The following SLC9C1 variants were observed in gnomAD, a reference collection of about 807,000 sequenced individuals.
SLC9C1 encodes solute carrier family 9 member C1.
Under a neutral mutation model 140.9 loss-of-function variants are expected in SLC9C1, and 97 were observed. That is an observed-to-expected ratio of 0.69 (90% CI 0.58 to 0.82). The LOEUF (loss-of-function observed/expected upper bound fraction) is 0.82. Among genes scored for constraint, SLC9C1 ranks in the 40% least tolerant of loss-of-function variants. The probability of loss-of-function intolerance (pLI) is 0.00; values close to 1 mark genes in which losing one functional copy is unlikely to be tolerated. For synonymous variants in SLC9C1, 440 were observed against 442.6 expected (o/e 0.99, Z 0.07); for missense variants, 1,340 against 1,389.3 (o/e 0.96, Z 0.56).
At chr3:112,261,991 T>G (rs922679551) in intron 10 of SLC9C1, among the ~76,000 whole-genome samples, 1 of 152,054 alleles carries the variant, frequency 6.6e-6, no homozygotes, top group African/African-American at 2.4e-5. Flanking sequence ...CCTCAACACT[T>G]AAGTTACTTG....
Position 112,151,906 on chromosome 3 carries a change from T to C in SLC9C1, c.3475A>G (p.Thr1159Ala). ...GGGGACTCCTTACAGTTGAACTTTG[T>C]CCCCAGCAGGGAGCAAGGCTGGGGA... is the stretch of plus-strand genomic sequence containing the variant. ...RSPQPCSLLG[T>A]KFNCKESPRI... Residue 1159 changes from threonine to alanine, a missense_variant, in exon 28 of 29, where the codon ACA becomes GCA. By Grantham distance (58) the Thr-to-Ala change is moderately conservative (BLOSUM62 0). Transcript: ENST00000305815. The C allele has an allele frequency of 6.2e-7, 1 of 1,609,764 alleles. No individual in the cohort carries two copies. Among genetic ancestry groups the C allele is most frequent in the Non-Finnish European group, 8.5e-7 (1 of 1,178,772 alleles).
intron 2 of SLC9C1, among the ~76,000 whole-genome samples, chr3:112,286,353 A>T (rs928392066): frequency 4.6e-5 from 7 of 152,192 alleles, no homozygotes; most frequent in African/African-American, 1.7e-4. Context: ...AATAGCAGGC[A>T]TAATTTATAA....
intron 10 of SLC9C1, among the ~76,000 whole-genome samples, chr3:112,259,324 T>A (rs2079703239): frequency 1.3e-5 from 2 of 149,724 alleles, no homozygotes; most frequent in Non-Finnish European, 1.5e-5. Flanking sequence ...AGGGAGAGGA[T>A]TGGAAAAAAA....
At chr3:112,222,831 G>A (rs1036741232) in intron 13 of SLC9C1, among the ~76,000 whole-genome samples, 13 of 152,056 alleles carry the variant, frequency 8.5e-5, no homozygotes, top group African/African-American at 3.1e-4. Flanking sequence ...AAAGGGAGCT[G>A]TATTTAATTT....
At chr3:112,215,717 A>T (rs1179325703) in intron 15 of SLC9C1, among the ~76,000 whole-genome samples, 2 of 152,214 alleles carry the variant, frequency 1.3e-5, no homozygotes, top group Non-Finnish European at 2.9e-5. Flanking sequence ...GATACAAACA[A>T]ATGGAAGAAC....
chr3:112,257,778 A>G (rs1487465495), intron 10 of SLC9C1, among the ~76,000 whole-genome samples: 1 of 152,212 alleles, frequency 6.6e-6, no homozygotes, highest in African/African-American at 2.4e-5. Flanking sequence ...ACAGAATGGG[A>G]GAAAATATTT....
chr3:112,285,666 A>G (rs1394394446), intron 2 of SLC9C1, among the ~76,000 whole-genome samples: 1 of 152,222 alleles, frequency 6.6e-6, no homozygotes, highest in Non-Finnish European at 1.5e-5. Flanking sequence ...GTGGAAAACA[A>G]GCAAGGGAGT....
chr3:112,158,854 C>T (rs774961928), intron 26 of SLC9C1, among the ~76,000 whole-genome samples: 55 of 151,698 alleles, frequency 3.6e-4, no homozygotes, highest in African/African-American at 8.5e-4. Context: ...TCTGTGGTAT[C>T]GGTTGCAATC....
chr3:112,174,225 A>G (rs2077295631), intron 23 of SLC9C1, among the ~76,000 whole-genome samples: 1 of 152,176 alleles, frequency 6.6e-6, no homozygotes, highest in South Asian at 2.1e-4. Context: ...ATTGTCTTCC[A>G]TTCTGTAAGT....
At chr3:112,253,094 C>T (rs532792213) in intron 10 of SLC9C1, among the ~76,000 whole-genome samples, 1 of 152,274 alleles carries the variant, frequency 6.6e-6, no homozygotes, top group African/African-American at 2.4e-5. Flanking sequence ...TATGTGGGCC[C>T]TTAAACCTAT....
chr3:112,279,749 T>C (rs1294475557), intron 3 of SLC9C1, among the ~76,000 whole-genome samples: 2 of 152,222 alleles, frequency 1.3e-5, no homozygotes, highest in African/African-American at 4.8e-5. Flanking sequence ...CACCTGGCCT[T>C]CTTTGCTTCT....
At chr3:112,233,852 T>C (rs963263821) in intron 12 of SLC9C1, among the ~76,000 whole-genome samples, 6 of 152,172 alleles carry the variant, frequency 3.9e-5, no homozygotes, top group African/African-American at 1.4e-4. Flanking sequence ...GGTGTATATG[T>C]GCCACGTTTT....
intron 23 of SLC9C1, among the ~76,000 whole-genome samples, chr3:112,169,954 G>T (rs2077214984): frequency 6.6e-6 from 1 of 151,866 alleles, no homozygotes; most frequent in African/African-American, 2.4e-5. Context: ...CAATAATACT[G>T]GACCCTTTAT....
At chr3:112,148,933 C>T (rs1223694841) in intron 28 of SLC9C1, among the ~76,000 whole-genome samples, 1 of 152,052 alleles carries the variant, frequency 6.6e-6, no homozygotes, top group Non-Finnish European at 1.5e-5. Flanking sequence ...GTTCTCTGCA[C>T]AGGGATGGGG....
intron 23 of SLC9C1, among the ~76,000 whole-genome samples, chr3:112,176,430 C>T (rs1346015052): frequency 6.6e-6 from 1 of 152,212 alleles, no homozygotes; most frequent in Non-Finnish European, 1.5e-5. Context: ...CCAGCTGCTT[C>T]TAGTCAGCCA....
At chr3:112,251,782 A>C (rs548807426) in intron 10 of SLC9C1, among the ~76,000 whole-genome samples, 2 of 151,170 alleles carry the variant, frequency 1.3e-5, no homozygotes, top group African/African-American at 4.9e-5. Context: ...TTGCTTTTTT[A>C]CACAGGTCCA....
intron 6 of SLC9C1, 81 bp downstream of exon 6, chr3:112,274,816 T>C (rs2108327991): frequency 7.9e-7 from 1 of 1,263,346 alleles, no homozygotes; most frequent in Admixed American, 2.8e-5. Flanking sequence ...TAACTTATGG[T>C]AGGATATTAC....
At chr3:112,247,015 T>C (rs1373157807) in intron 10 of SLC9C1, among the ~76,000 whole-genome samples, 1 of 152,188 alleles carries the variant, frequency 6.6e-6, no homozygotes, top group East Asian at 1.9e-4. Context: ...TTTTCCCCTC[T>C]TGTTTTTAAA....
At chr3:112,210,432 C>T (rs761891858) in intron 15 of SLC9C1, among the ~76,000 whole-genome samples, 9 of 152,048 alleles carry the variant, frequency 5.9e-5, no homozygotes, top group East Asian at 3.8e-4. Flanking sequence ...GTCAAAGAAG[C>T]GAGAAACACA....
Sources: gnomAD v4.1 joint callset for allele counts (sites outside exome capture counted in the v4.1 genomes callset) on GRCh38, gnomAD v4.1.1 for gene constraint, MANE v1.5 for transcripts, NCBI Gene and HGNC (gene_info 2026-07-23, HGNC 2026-07-21) for gene names.